The following DOCK7 variants were observed in gnomAD, a reference collection of about 807,000 sequenced individuals.
The protein encoded by DOCK7 is dedicator of cytokinesis 7, also known as dedicator of cytokinesis protein 7.
In DOCK7, 138 loss-of-function variants were observed where a neutral mutation model predicts 271.0. That is an observed-to-expected ratio of 0.51 (90% CI 0.44 to 0.59). The LOEUF is 0.59. DOCK7 is among the 20% of genes least tolerant of loss of function. DOCK7 has a pLI of 0.00. For missense variants in DOCK7, 2,066 were observed against 2,592.4 expected (o/e 0.80, Z 4.41); for synonymous variants, 823 against 876.1 (o/e 0.94, Z 1.07).
intron 21 of DOCK7, among the ~76,000 whole-genome samples, chr1:62,553,352 ATATTTTTTTTTTTTTTTTTTTTTT>A (rs1175586786): frequency 2.1e-4 from 2 of 9,420 alleles, no homozygotes; most frequent in African/African-American, 5.4e-4. Flanking sequence ...ATATATATAT[ATATTTTTTTTTTTTTTTTTTTTTT>A]TTTTTTTTTA....
intron 14 of DOCK7, among the ~76,000 whole-genome samples, chr1:62,613,704 T>A (rs184648149): frequency 7.2e-5 from 11 of 152,246 alleles, no homozygotes; most frequent in Non-Finnish European, 1.3e-4. Flanking sequence ...CTCAACTCAG[T>A]CAAATGCTTC....
chr1:62,559,790 C>T (rs1002139574), intron 19 of DOCK7, among the ~76,000 whole-genome samples: 5 of 152,168 alleles, frequency 3.3e-5, no homozygotes, highest in Non-Finnish European at 7.4e-5. Flanking sequence ...CAAGTTTGGC[C>T]TTGGGCTAAT....
intron 31 of DOCK7, among the ~76,000 whole-genome samples, chr1:62,519,794 G>C (rs1260836061): frequency 1.3e-5 from 2 of 152,110 alleles, no homozygotes; most frequent in Non-Finnish European, 2.9e-5. Context: ...TGCCTGTATA[G>C]CCAAGACAAT....
At chr1:62,501,691 T>G (rs1393204466) in intron 37 of DOCK7, among the ~76,000 whole-genome samples, 2 of 152,096 alleles carry the variant, frequency 1.3e-5, no homozygotes, top group Non-Finnish European at 2.9e-5. Context: ...TATGATATTT[T>G]AATATCAGAG....
At chr1:62,660,987 T>C (rs919693319) in intron 2 of DOCK7, among the ~76,000 whole-genome samples, 5 of 151,560 alleles carry the variant, frequency 3.3e-5, no homozygotes, top group African/African-American at 1.2e-4. Context: ...TAGTCCCAAC[T>C]ACTCAGGAGG....
intron 41 of DOCK7, among the ~76,000 whole-genome samples, chr1:62,490,025 C>T (rs1646413009): frequency 1.4e-5 from 2 of 147,338 alleles, no homozygotes; most frequent in South Asian, 2.2e-4. Flanking sequence ...GAGTGAGAGA[C>T]AAGATGTCTT....
intron 7 of DOCK7, among the ~76,000 whole-genome samples, chr1:62,640,776 G>A (rs943022373): frequency 1.4e-4 from 22 of 152,124 alleles, no homozygotes; most frequent in African/African-American, 5.1e-4. Flanking sequence ...TAAAACAGAT[G>A]CCCTATTCAC....
At chr1:62,472,145 C>T (rs1408734232) in intron 48 of DOCK7, among the ~76,000 whole-genome samples, 1 of 151,750 alleles carries the variant, frequency 6.6e-6, no homozygotes, top group Non-Finnish European at 1.5e-5. Context: ...ACTCTGTTGC[C>T]CAGGCTGGAG....
At chr1:62,496,815 T>C (rs1646637069) in intron 37 of DOCK7, among the ~76,000 whole-genome samples, 1 of 152,168 alleles carries the variant, frequency 6.6e-6, no homozygotes, top group South Asian at 2.1e-4. Context: ...TGAGGTTAAA[T>C]AGCTTGACTG....
At chr1:62,643,793 C>T (rs1656319757) in intron 7 of DOCK7, among the ~76,000 whole-genome samples, 1 of 151,966 alleles carries the variant, frequency 6.6e-6, no homozygotes. Context: ...CTATTTACAT[C>T]TTTGTGTACA....
At chr1:62,525,278 G>C (rs886151584) in intron 31 of DOCK7, among the ~76,000 whole-genome samples, 1 of 151,868 alleles carries the variant, frequency 6.6e-6, no homozygotes, top group Non-Finnish European at 1.5e-5. Flanking sequence ...CAAAGTGCTG[G>C]GATTACAGGC....
intron 48 of DOCK7, among the ~76,000 whole-genome samples, chr1:62,460,571 C>T (rs543586241): frequency 2.0e-5 from 3 of 151,890 alleles, no homozygotes; most frequent in African/African-American, 7.3e-5. Flanking sequence ...CACTGATGGA[C>T]AATTTTAGCA....
intron 34 of DOCK7, 39 bp downstream of exon 34, chr1:62,510,538 A>G (rs962991903): frequency 6.7e-6 from 10 of 1,482,316 alleles, no homozygotes; most frequent in Non-Finnish European, 7.4e-6. Context: ...TTAAAATTCA[A>G]CACACCCATC....
intron 18 of DOCK7, among the ~76,000 whole-genome samples, chr1:62,568,254 T>G (rs1646591139): frequency 6.6e-6 from 1 of 151,792 alleles, no homozygotes; most frequent in African/African-American, 2.4e-5. Flanking sequence ...TAAAGCAGTG[T>G]TAACAGGGAA....
At chr1:62,578,734 A>C (rs1647016831) in intron 17 of DOCK7, 94 bp downstream of exon 17, 1 of 1,034,690 alleles carries the variant, frequency 9.7e-7, no homozygotes, top group Non-Finnish European at 1.3e-6. Context: ...AAAAAAAAAA[A>C]AAAAACCCAC....
At chr1:62,561,733 A>ATT in intron 18 of DOCK7, 30 bp from the exon 19 acceptor site, 1 of 1,265,374 alleles carries the variant, frequency 7.9e-7, no homozygotes, top group Non-Finnish European at 1.0e-6. Flanking sequence ...ATGATCACAG[A>ATT]TGCTTAAGTA....
At chr1:62,676,707 A>G in intron 1 of DOCK7, among the ~76,000 whole-genome samples, 1 of 152,246 alleles carries the variant, frequency 6.6e-6, no homozygotes, top group East Asian at 1.9e-4. Flanking sequence ...ATCCTGTAAC[A>G]TTAGCAATTA....
intron 37 of DOCK7, among the ~76,000 whole-genome samples, chr1:62,497,882 A>C (rs1195711780): frequency 6.6e-6 from 1 of 152,188 alleles, no homozygotes; most frequent in Non-Finnish European, 1.5e-5. Context: ...TATAGTGATA[A>C]AATAATTCAT....
rs187500820 is a variant in DOCK7 at position 62,647,652 on chromosome 1, G to A, written c.818+39C>T. ...TACATCACTACTAAAATTTTATCCT[G>A]GAAAATAAAAGTTGTAAGTAAAAGA... On this transcript the variant is annotated intron_variant, in intron 7 of 49. Coordinates refer to ENST00000635253, the MANE Select transcript of DOCK7 (RefSeq NM_001367561.1). The A allele has an allele frequency of 4.2e-4, 607 of 1,440,256 alleles. 3 individuals are homozygous for A. In the African/African-American group the frequency reaches 7.9e-3, roughly 19 times the overall value. 89.2% of individuals were successfully genotyped at this position (1,440,256 alleles called of 1,614,324 possible). A position where few individuals can be genotyped will look rare whatever the true frequency, so the allele number is the denominator to read the frequency against.
Sources: gnomAD v4.1 joint callset for allele counts (sites outside exome capture counted in the v4.1 genomes callset) on GRCh38, gnomAD v4.1.1 for gene constraint, MANE v1.5 for transcripts, NCBI Gene and HGNC (gene_info 2026-07-23, HGNC 2026-07-21) for gene names.